The following INPP5D variants were observed in gnomAD, a reference collection of about 807,000 sequenced individuals.
INPP5D encodes the protein phosphatidylinositol 3,4,5-trisphosphate 5-phosphatase 1.
INPP5D carries 33 observed loss-of-function variants against 122.9 expected under a neutral mutation model. The ratio of observed to expected loss-of-function variants is 0.27; its 90% CI spans 0.20 to 0.36. The LOEUF (loss-of-function observed/expected upper bound fraction) is 0.36, where lower values mean the gene tolerates loss of function less well. INPP5D is among the 10% of genes least tolerant of loss of function. The probability of loss-of-function intolerance (pLI) is 1.00; values close to 1 mark genes in which losing one functional copy is unlikely to be tolerated. For missense variants in INPP5D, 1,053 were observed against 1,412.7 expected (o/e 0.75, Z 4.08); for synonymous variants, 584 against 576.2 (o/e 1.01, Z -0.19).
At chr2:233,081,211 A>G (rs975569604) in intron 2 of INPP5D, among the ~76,000 whole-genome samples, 6 of 152,092 alleles carry the variant, frequency 3.9e-5, no homozygotes, top group African/African-American at 1.4e-4. Context: ...GCTCTTCACC[A>G]TGTGTGGGAT....
chr2:233,115,510 G>A (rs548158508), intron 2 of INPP5D, among the ~76,000 whole-genome samples: 1 of 152,310 alleles, frequency 6.6e-6, no homozygotes, highest in South Asian at 2.1e-4. Flanking sequence ...TGAGCCTCCA[G>A]CAGTCTGGAC....
At chr2:233,190,277 G>A (rs1263444863) in intron 22 of INPP5D, among the ~76,000 whole-genome samples, 1 of 152,198 alleles carries the variant, frequency 6.6e-6, no homozygotes, top group African/African-American at 2.4e-5. Flanking sequence ...CAAGTGACTT[G>A]CCCGAGTCAT....
chr2:233,101,553 T>C (rs1413310878), intron 2 of INPP5D, among the ~76,000 whole-genome samples: 1 of 147,208 alleles, frequency 6.8e-6, no homozygotes, highest in African/African-American at 2.5e-5. Flanking sequence ...TATATTATAA[T>C]TAATAATGAC....
intron 4 of INPP5D, among the ~76,000 whole-genome samples, chr2:233,129,808 C>G (rs923620354): frequency 1.3e-5 from 2 of 152,160 alleles, no homozygotes; most frequent in African/African-American, 4.8e-5. Flanking sequence ...CCTTCCAGCC[C>G]TCAGATCCTA....
intron 5 of INPP5D, among the ~76,000 whole-genome samples, chr2:233,137,128 ACT>A (rs962200312): frequency 6.6e-6 from 1 of 152,000 alleles, no homozygotes; most frequent in African/African-American, 2.4e-5. Flanking sequence ...CTGAAATAAA[ACT>A]CTCTATCTCT....
chr2:233,131,419 G>A (rs562770474), intron 5 of INPP5D, among the ~76,000 whole-genome samples: 5 of 152,170 alleles, frequency 3.3e-5, no homozygotes, highest in Admixed American at 2.6e-4. Flanking sequence ...AGGTCAGGCC[G>A]GGTGTGGTGG....
chr2:233,114,363 A>G (rs1024511988), intron 2 of INPP5D, among the ~76,000 whole-genome samples: 4 of 152,172 alleles, frequency 2.6e-5, no homozygotes, highest in South Asian at 2.1e-4. Context: ...AAAGGTTGAG[A>G]CCATCCTGAG....
At chr2:233,191,871 G>A (rs549334373) in intron 22 of INPP5D, among the ~76,000 whole-genome samples, 1 of 152,314 alleles carries the variant, frequency 6.6e-6, no homozygotes, top group African/African-American at 2.4e-5. Flanking sequence ...AGAGGAAGAG[G>A]CTGCAGACAC....
intron 1 of INPP5D, among the ~76,000 whole-genome samples, chr2:233,077,730 G>A (rs1691562153): frequency 6.6e-6 from 1 of 150,414 alleles, no homozygotes; most frequent in Admixed American, 6.6e-5. Context: ...TGTGATGGCA[G>A]GAGCTTGTAA....
chr2:233,170,383 CCACCATCACTCTGCAG>C lies in INPP5D; in HGVS notation c.1792-111_1792-96del. On this transcript the variant is annotated intron_variant, in intron 15 of 26. Coordinates refer to ENST00000445964, the MANE Select transcript of INPP5D (RefSeq NM_001017915.3). The surrounding 1 kb of genome is among the most constrained non-coding windows in gnomAD (Gnocchi z 4.5). Reference sequence around the variant, plus strand: ...TCCCATAACTGTCACAGCCACCCTGCCACCATCACTCTGCAGCCCGGGTCATCCAGCTGCCCGCCCC... The same window carrying C: ...TCCCATAACTGTCACAGCCACCCTGCCCCGGGTCATCCAGCTGCCCGCCCC... The C allele has an allele frequency of 6.6e-7, 1 of 1,520,710 alleles. No individual in the cohort carries two copies. The highest frequency in any genetic ancestry group is 8.9e-7 in the Non-Finnish European group (1 of 1,127,046). 94.2% of individuals were successfully genotyped at this position (1,520,710 alleles called of 1,614,324 possible).
chr2:233,097,528 T>G (rs1263345188), intron 2 of INPP5D, among the ~76,000 whole-genome samples: 1 of 152,244 alleles, frequency 6.6e-6, no homozygotes, highest in East Asian at 1.9e-4. Context: ...CTCCATATAG[T>G]TCTTAAACCT....
chr2:233,152,669 T>C (rs1574768561), intron 9 of INPP5D, among the ~76,000 whole-genome samples: 1 of 152,106 alleles, frequency 6.6e-6, no homozygotes, highest in African/African-American at 2.4e-5. Context: ...ATGCTGGCTG[T>C]GCCCAACCCA....
At position 233,133,930 on chromosome 2, in the gene INPP5D, C is replaced by T. The variant is rs1324387234; in HGVS notation, c.665+3282C>T. ...GTCCCCGGTTATACACAGGCTCTGG[C>T]ACATGCGGCTCAACAGATATTAGGT... is the stretch of plus-strand genomic sequence containing the variant. On this transcript the variant is annotated intron_variant, in intron 5 of 26. Coordinates refer to ENST00000445964, the MANE Select transcript of INPP5D (RefSeq NM_001017915.3). 1.3e-5 allele frequency: 6 copies of T among 455,408 alleles called. No homozygotes were observed. In the East Asian group the frequency reaches 3.5e-4, roughly 26 times the overall value. The allele number at this position is 455,408 out of a possible 1,614,324, so 28.2% of individuals were successfully genotyped here.
intron 1 of INPP5D, 30 bp from the exon 2 acceptor site, chr2:233,079,305 G>T (rs753875144): frequency 7.0e-7 from 1 of 1,427,684 alleles, no homozygotes; most frequent in Non-Finnish European, 9.9e-7. Context: ...TTCCTGCATG[G>T]GTTCTAATAA....
chr2:233,130,915 A>G (rs1693307667), intron 5 of INPP5D: 4 of 612,298 alleles, frequency 6.5e-6, no homozygotes, highest in Non-Finnish European at 1.2e-5. Flanking sequence ...ATGGGGTGGG[A>G]GGACATGGCC....
At chr2:233,179,309 ACC>A (rs1694726119) in intron 18 of INPP5D, among the ~76,000 whole-genome samples, 1 of 152,168 alleles carries the variant, frequency 6.6e-6, no homozygotes, top group African/African-American at 2.4e-5. Context: ...CTCAGGGTCA[ACC>A]CTGTCAATAC....
rs948085478 is a variant in INPP5D at position 233,197,295 on chromosome 2, C to T, written c.2694-800C>T. ...CCCCTCCATAGCTTTAAGCTGATTG[C>T]CCCCAATTCCAGGCTCCAACCTTGA... is the stretch of plus-strand genomic sequence containing the variant. On this transcript the variant is annotated intron_variant, in intron 24 of 26. Transcript: ENST00000445964. The surrounding 1 kb of genome is among the most constrained non-coding windows in gnomAD (Gnocchi z 4.4). Among the ~76,000 whole-genome samples, 1 of 152,170 alleles carries T rather than the reference C, an allele frequency of 6.6e-6. No individual in the cohort carries two copies. Among genetic ancestry groups the T allele is most frequent in the African/African-American group, 2.4e-5 (1 of 41,436 alleles).
At chr2:233,089,195 G>A (rs768898169) in intron 2 of INPP5D, among the ~76,000 whole-genome samples, 1 of 152,116 alleles carries the variant, frequency 6.6e-6, no homozygotes, top group Non-Finnish European at 1.5e-5. Context: ...AGGGACCAGC[G>A]GGAGGCCCCA....
rs368160116 is a variant in INPP5D, at chr2:233,156,235, A to G, written c.1031-2078A>G. On this transcript the variant is annotated intron_variant, in intron 9 of 26. Transcript: ENST00000445964. ...GATGGCTGTGGCTCAGACAAGGCCAAGACTGGGCAGGGGCCAGGTGTGTGG... is the reference window on the plus strand; with the variant it reads ...GATGGCTGTGGCTCAGACAAGGCCAGGACTGGGCAGGGGCCAGGTGTGTGG... Among the ~76,000 whole-genome samples, 76 of 152,348 alleles carry G rather than the reference A, an allele frequency of 5.0e-4. 1 individual carries two copies. The highest frequency in any genetic ancestry group is 1.8e-3 in the African/African-American group (74 of 41,602).
Sources: gnomAD v4.1 joint callset for allele counts (sites outside exome capture counted in the v4.1 genomes callset) on GRCh38, gnomAD v4.1.1 for gene constraint, Gnocchi (gnomAD v3.1) non-coding constraint, MANE v1.5 for transcripts, NCBI Gene and HGNC (gene_info 2026-07-23, HGNC 2026-07-21) for gene names.